Variants in ASPH observed in about 807,000 individuals in gnomAD.
ASPH encodes aspartate beta-hydroxylase.
In ASPH, 100 loss-of-function variants were observed where a neutral mutation model predicts 118.4. That is an observed-to-expected ratio of 0.84 (90% confidence interval 0.72 to 1.00). The LOEUF (loss-of-function observed/expected upper bound fraction) is 1.00. Ranked by LOEUF, ASPH falls within the 50% of genes least tolerant of loss-of-function variation. ASPH has a pLI of 0.00. For synonymous variants in ASPH, 315 were observed against 325.6 expected, an observed-to-expected ratio of 0.97 and a Z score of 0.35; for missense variants, 920 against 919.5, an observed-to-expected ratio of 1.00 and a Z score of -0.01.
chr8:61,664,080 T>C (rs1818284208), intron 3 of ASPH: 1 of 975,874 alleles, frequency 1.0e-6, no homozygotes, highest in Non-Finnish European at 1.2e-6. Context: ...ACCACAGAGA[T>C]TTTATCATTA....
intron 3 of ASPH, chr8:61,664,085 TC>T: frequency 1.0e-6 from 1 of 976,532 alleles, no homozygotes; most frequent in Non-Finnish European, 1.2e-6. Flanking sequence ...AGAGATTTTA[TC>T]ATTATCAACT....
At chr8:61,579,833 C>T (rs1168083223) in intron 15 of ASPH, among the ~76,000 whole-genome samples, 2 of 151,574 alleles carry the variant, frequency 1.3e-5, no homozygotes, top group South Asian at 2.1e-4. Flanking sequence ...CCCCCCTTGC[C>T]CATGCCTCCA....
Position 61,501,038 on chromosome 8 carries a change from A to C in ASPH, c.*2321T>G, listed in dbSNP as rs1019357628. 3 of 152,212 alleles carry C rather than the reference A, an allele frequency of 2.0e-5. No homozygotes were observed. The highest frequency in any genetic ancestry group is 6.5e-5 in the Admixed American group (1 of 15,286). The allele number at this position is 152,212 out of a possible 1,614,324, so 9.4% of individuals were successfully genotyped here. On this transcript the variant is annotated 3_prime_UTR_variant, in exon 25 of 25. Transcript: ENST00000379454. ...ATTTTTATATTATACACTTGGAGAA[A>C]TAAAGTTGAAACAGAATTAAAAATA...
In ASPH at chr8:61,614,288, A is replaced by T. The variant is rs188670114; in HGVS notation, c.976+4690T>A. ...TAGGAAAAGTCCACAATACAAATACAGTTTTATCTAACACCCACCCACCCA... is the reference window on the plus strand; with the variant it reads ...TAGGAAAAGTCCACAATACAAATACTGTTTTATCTAACACCCACCCACCCA... On this transcript the variant is annotated intron_variant, in intron 14 of 24. Coordinates refer to ENST00000379454, the MANE Select transcript of ASPH (RefSeq NM_004318.4). 7.0e-4 allele frequency among the ~76,000 whole-genome samples: 107 copies of T among 152,340 alleles called. 1 individual carries two copies. The highest frequency in any genetic ancestry group is 2.4e-3 in the African/African-American group (98 of 41,564).
intron 3 of ASPH, among the ~76,000 whole-genome samples, chr8:61,672,026 C>T (rs1822811538): frequency 6.6e-6 from 1 of 152,200 alleles, no homozygotes; most frequent in Non-Finnish European, 1.5e-5. Context: ...TCACTGTAAG[C>T]CTTCTCATCT....
intron 10 of ASPH, among the ~76,000 whole-genome samples, chr8:61,641,324 A>G (rs1273339848): frequency 6.6e-6 from 1 of 152,176 alleles, no homozygotes; most frequent in Admixed American, 6.5e-5. Flanking sequence ...CATGTTCTTT[A>G]TATTTTTAAA....
intron 3 of ASPH, among the ~76,000 whole-genome samples, chr8:61,672,452 A>C (rs1395923806): frequency 6.6e-6 from 1 of 152,118 alleles, no homozygotes; most frequent in Admixed American, 6.5e-5. Flanking sequence ...TTGTTATAGA[A>C]ACTCAAAATG....
At chr8:61,576,408 A>C (rs1835153608) in intron 16 of ASPH, among the ~76,000 whole-genome samples, 1 of 152,242 alleles carries the variant, frequency 6.6e-6, no homozygotes, top group Non-Finnish European at 1.5e-5. Context: ...GTCTTTCCTA[A>C]GCATACTTGC....
In ASPH at chr8:61,680,641, T is replaced by C. The variant is rs76372657; in HGVS notation, c.322+327A>G. The C allele has an allele frequency of 4.7e-3, 796 of 169,804 alleles. 10 individuals carry two copies. The highest frequency in any genetic ancestry group is 0.018 in the African/African-American group (753 of 42,348). The allele number at this position is 169,804 out of a possible 1,614,324, so 10.5% of individuals were successfully genotyped here. On this transcript the variant is annotated intron_variant, in intron 3 of 24. Transcript: ENST00000379454. ...TAATGAAAAATGGCTATAATTACCA[T>C]ATCTAAAAACAGACTAGGATATTAT...
chr8:61,626,882 T>G (rs1341383337), intron 13 of ASPH, among the ~76,000 whole-genome samples: 1 of 152,056 alleles, frequency 6.6e-6, no homozygotes, highest in Admixed American at 6.6e-5. Flanking sequence ...TCTGATTTGT[T>G]TTACTATCAC....
chr8:61,703,439 T>C (rs763183534), intron 1 of ASPH, among the ~76,000 whole-genome samples: 1 of 152,116 alleles, frequency 6.6e-6, no homozygotes, highest in Middle Eastern at 3.2e-3. Flanking sequence ...CTACATGATA[T>C]AAGGTGCATG....
intron 13 of ASPH, among the ~76,000 whole-genome samples, chr8:61,627,573 T>G (rs1197057545): frequency 6.6e-6 from 1 of 152,206 alleles, no homozygotes; most frequent in Admixed American, 6.5e-5. Context: ...TATACCCCAA[T>G]AGAAAAAGTT....
At chr8:61,509,543 G>C (rs1341444626) in intron 24 of ASPH, among the ~76,000 whole-genome samples, 1 of 152,134 alleles carries the variant, frequency 6.6e-6, no homozygotes, top group Admixed American at 6.5e-5. Context: ...ACTGCAACCT[G>C]TTTTATCAGC....
At chr8:61,626,787 T>A (rs1306507203) in intron 13 of ASPH, among the ~76,000 whole-genome samples, 1 of 151,828 alleles carries the variant, frequency 6.6e-6, no homozygotes. Context: ...TGGTTGACAA[T>A]AAAAGTATAT....
At chr8:61,612,400 G>A (rs1847716563) in intron 14 of ASPH, among the ~76,000 whole-genome samples, 4 of 142,506 alleles carry the variant, frequency 2.8e-5, no homozygotes, top group Non-Finnish European at 4.5e-5. Context: ...TTGAGCCAAA[G>A]TCTTGCTCTG....
intron 13 of ASPH, chr8:61,632,546 AT>A (rs1185745011): frequency 7.5e-6 from 2 of 265,156 alleles, no homozygotes; most frequent in Non-Finnish European, 1.5e-5. Context: ...CTGTCCAAGT[AT>A]TTTAAACACA....
At chr8:61,522,958 T>A (rs146394650) in intron 22 of ASPH, among the ~76,000 whole-genome samples, 1 of 152,118 alleles carries the variant, frequency 6.6e-6, no homozygotes, top group Non-Finnish European at 1.5e-5. Flanking sequence ...GGCTTCAACA[T>A]ATGAATTTTG....
At chr8:61,529,106 G>A (rs768897789) in intron 21 of ASPH, among the ~76,000 whole-genome samples, 2 of 152,174 alleles carry the variant, frequency 1.3e-5, no homozygotes, top group Non-Finnish European at 2.9e-5. Context: ...TCCTTGTGTG[G>A]TTAATGAGCC....
chr8:61,518,056 C>A lies in ASPH; in HGVS notation c.1968G>T (p.Glu656Asp). The A allele has an allele frequency of 6.2e-7, 1 of 1,613,922 alleles. No individual in the cohort carries two copies. The highest frequency in any genetic ancestry group is 8.5e-7 in the Non-Finnish European group (1 of 1,179,856). ...CCTGTCCTCTTCTGCATCCTGTTGTCTCGGGGAACTTTTCTAGTAAGGTAC... is the reference window on the plus strand; with the variant it reads ...CCTGTCCTCTTCTGCATCCTGTTGTATCGGGGAACTTTTCTAGTAAGGTAC... ...KTCTLLEKFP[E>D]TTGCRRGQIK... The change falls in exon 23 of 25, where the codon GAG (glutamate) becomes GAT (aspartate). Residue 656 changes from glutamate to aspartate, a missense_variant. Transcript: ENST00000379454.
Sources: allele counts gnomAD v4.1 joint callset (sites outside exome capture counted in the v4.1 genomes callset), GRCh38; gene constraint gnomAD v4.1.1; transcripts MANE v1.5; gene names NCBI Gene and HGNC (gene_info 2026-07-23, HGNC 2026-07-21).